CYP39A1: variants seen among roughly 807,000 people sequenced by gnomAD.
CYP39A1 encodes cytochrome P450 family 39 subfamily A member 1, also known as 24-hydroxycholesterol 7-alpha-hydroxylase.
Under a neutral mutation model 58.1 loss-of-function variants are expected in CYP39A1, and 49 were observed. The observed-to-expected ratio is 0.84, with a 90% confidence interval of 0.67 to 1.07. The LOEUF is 1.07. Among genes scored for constraint, CYP39A1 ranks in the 50% least tolerant of loss-of-function variants. The pLI, the probability that CYP39A1 is intolerant of heterozygous loss-of-function variation, is 0.00. For synonymous variants in CYP39A1, 209 were observed against 187.6 expected (o/e 1.11, Z -0.93); for missense variants, 531 against 539.4 (o/e 0.98, Z 0.16).
At chr6:46,568,126 G>C (rs78243602) in intron 10 of CYP39A1, among the ~76,000 whole-genome samples, 2,881 of 152,040 alleles carry the variant, frequency 0.019, 54 homozygotes, top group Non-Finnish European at 0.029. Context: ...TATTTCAATG[G>C]AGTTTTGATT....
intron 10 of CYP39A1, among the ~76,000 whole-genome samples, chr6:46,555,056 C>CACAG (rs1770602860): frequency 6.6e-6 from 1 of 151,844 alleles, no homozygotes; most frequent in African/African-American, 2.4e-5. Context: ...CACAGACACA[C>CACAG]ACACACACAC....
At chr6:46,618,563 G>A (rs1774758547) in intron 7 of CYP39A1, among the ~76,000 whole-genome samples, 2 of 151,966 alleles carry the variant, frequency 1.3e-5, no homozygotes, top group Admixed American at 1.3e-4. Flanking sequence ...CAAAAAAAAT[G>A]CTTTACAGAG....
At chr6:46,576,272 C>T (rs777387643) in intron 10 of CYP39A1, among the ~76,000 whole-genome samples, 9 of 152,060 alleles carry the variant, frequency 5.9e-5, no homozygotes, top group African/African-American at 1.2e-4. Flanking sequence ...GCCTCCAAAA[C>T]GAAGGATTCC....
chr6:46,596,693 A>G (rs1773184468), intron 7 of CYP39A1, among the ~76,000 whole-genome samples: 2 of 151,752 alleles, frequency 1.3e-5, no homozygotes, highest in Admixed American at 1.3e-4. Flanking sequence ...TCTTAACGTG[A>G]TGTGCATACT....
intron 10 of CYP39A1, among the ~76,000 whole-genome samples, chr6:46,563,774 T>C (rs892225805): frequency 2.0e-5 from 3 of 151,946 alleles, no homozygotes; most frequent in African/African-American, 7.3e-5. Context: ...GCAGAAAACA[T>C]GGGCAAGGGG....
intron 10 of CYP39A1, among the ~76,000 whole-genome samples, chr6:46,574,795 T>A (rs1429112187): frequency 6.6e-6 from 1 of 151,842 alleles, no homozygotes; most frequent in African/African-American, 2.4e-5. Context: ...ATAAACACAG[T>A]TTGTTTTAGA....
chr6:46,564,627 C>A (rs949023860), intron 10 of CYP39A1, among the ~76,000 whole-genome samples: 1 of 152,100 alleles, frequency 6.6e-6, no homozygotes, highest in African/African-American at 2.4e-5. Context: ...TGAAGGAATG[C>A]TAGTATTGGG....
Position 46,641,399 on chromosome 6 carries a change from C to A in CYP39A1, c.313+764G>T, listed in dbSNP as rs1776327808. ...GATTACTGGTAGCTTTTAAAACAAACTTTCTTGTCTTAATGGCAAGAAATG... is the reference window on the plus strand; with the variant it reads ...GATTACTGGTAGCTTTTAAAACAAAATTTCTTGTCTTAATGGCAAGAAATG... On this transcript the variant is annotated intron_variant, in intron 2 of 11. Transcript: ENST00000275016. Among the ~76,000 whole-genome samples the A allele has an allele frequency of 5.3e-5, 8 of 152,048 alleles. No homozygotes were observed. In the South Asian group the frequency reaches 1.7e-3, roughly 32 times the overall value.
At chr6:46,553,721 C>A (rs1471621581) in intron 11 of CYP39A1, 46 bp downstream of exon 11, 2 of 1,312,430 alleles carry the variant, frequency 1.5e-6, no homozygotes, top group South Asian at 1.2e-5. Flanking sequence ...GTGGTTATGT[C>A]ATATTTATAA....
intron 10 of CYP39A1, among the ~76,000 whole-genome samples, chr6:46,575,785 G>T (rs956693014): frequency 3.3e-5 from 5 of 152,132 alleles, no homozygotes. Flanking sequence ...AGCCCTCCTG[G>T]GTTAGAACAC....
chr6:46,596,553 C>G (rs748845798), intron 7 of CYP39A1, among the ~76,000 whole-genome samples: 1 of 151,672 alleles, frequency 6.6e-6, no homozygotes, highest in Non-Finnish European at 1.5e-5. Context: ...TGCCTTTACC[C>G]TTTTGAATTG....
chr6:46,554,503 T>C (rs745484292), intron 10 of CYP39A1, among the ~76,000 whole-genome samples: 9 of 152,208 alleles, frequency 5.9e-5, no homozygotes, highest in Admixed American at 1.3e-4. Context: ...CTCTTGATAA[T>C]AAAATATTTC....
chr6:46,603,023 T>C (rs140433083), intron 7 of CYP39A1, among the ~76,000 whole-genome samples: 211 of 152,134 alleles, frequency 1.4e-3, no homozygotes, highest in African/African-American at 5.0e-3. Context: ...TCATAAATGG[T>C]TCAAAATTAT....
rs535719637 is a variant in CYP39A1 at position 46,576,776 on chromosome 6, C to T, written c.1250+10301G>A. ...TGAAGACAGCTCCTTCAAATCAACG[C>T]AGGCAGACAACAATAAAGAAAAAAT... On this transcript the variant is annotated intron_variant, in intron 10 of 11. Transcript: ENST00000275016. Among the ~76,000 whole-genome samples, 5 of 152,254 alleles carry T rather than the reference C, an allele frequency of 3.3e-5. No individual in the cohort carries two copies. In the East Asian group the frequency reaches 9.7e-4, roughly 29 times the overall value.
intron 8 of CYP39A1, among the ~76,000 whole-genome samples, chr6:46,595,244 T>C (rs979519069): frequency 2.0e-5 from 3 of 151,904 alleles, no homozygotes; most frequent in Non-Finnish European, 2.9e-5. Flanking sequence ...TGGTAAACAG[T>C]ATGAAGGTTC....
rs536811287 is a variant in CYP39A1, at chr6:46,592,153, C to A, written c.1065+3834G>T. On this transcript the variant is annotated intron_variant, in intron 8 of 11. Coordinates refer to ENST00000275016, the MANE Select transcript of CYP39A1 (RefSeq NM_016593.5). ...TAAATCCAAGAAAGTAGAGAGTGTT[C>A]GTCCATTTCAATTCATTCCATTTCC... is the stretch of plus-strand genomic sequence containing the variant. 3.3e-5 allele frequency among the ~76,000 whole-genome samples: 5 copies of A among 152,180 alleles called. No individual in the cohort carries two copies. In the East Asian group the frequency reaches 7.7e-4, roughly 24 times the overall value.
chr6:46,632,337 T>C (rs1775712966), intron 5 of CYP39A1, among the ~76,000 whole-genome samples: 1 of 152,212 alleles, frequency 6.6e-6, no homozygotes, highest in Admixed American at 6.5e-5. Context: ...GAAGTATTAT[T>C]GTGTAGGCTG....
At chr6:46,582,769 T>C (rs1772210680) in intron 10 of CYP39A1, among the ~76,000 whole-genome samples, 1 of 152,080 alleles carries the variant, frequency 6.6e-6, no homozygotes, top group Non-Finnish European at 1.5e-5. Flanking sequence ...CTTTGACTCT[T>C]CCCAGTTTTT....
chr6:46,612,593 A>G (rs1001400565), intron 7 of CYP39A1, among the ~76,000 whole-genome samples: 1 of 152,230 alleles, frequency 6.6e-6, no homozygotes, highest in Admixed American at 6.5e-5. Flanking sequence ...AGGCTAGCAA[A>G]GGTAAATGAG....
Sources: allele counts gnomAD v4.1 joint callset (sites outside exome capture counted in the v4.1 genomes callset), GRCh38; gene constraint gnomAD v4.1.1; transcripts MANE v1.5; gene names NCBI Gene and HGNC (gene_info 2026-07-23, HGNC 2026-07-21).